NLRP11: variants seen among roughly 807,000 people sequenced by gnomAD.
NLRP11 encodes the protein NACHT, LRR and PYD domains-containing protein 11.
Under a neutral mutation model 79.3 loss-of-function variants are expected in NLRP11, and 53 were observed. The observed-to-expected ratio is 0.67, with a 90% CI of 0.54 to 0.84. The LOEUF (loss-of-function observed/expected upper bound fraction) is 0.84. Among genes scored for constraint, NLRP11 ranks in the 40% least tolerant of loss-of-function variants. The pLI is 0.00. For synonymous variants in NLRP11, 518 were observed against 462.6 expected (o/e 1.12, Z -1.54); for missense variants, 1,264 against 1,255.0 (o/e 1.01, Z -0.11).
intron 1 of NLRP11, among the ~76,000 whole-genome samples, chr19:55,823,152 C>T (rs1437226227): frequency 6.8e-6 from 1 of 146,618 alleles, no homozygotes; most frequent in African/African-American, 2.6e-5. Flanking sequence ...AGCAGGAGCA[C>T]ACTGACACCT....
chr19:55,821,407 TCTTTG>T (rs1456387150), intron 1 of NLRP11, among the ~76,000 whole-genome samples: 1 of 152,152 alleles, frequency 6.6e-6, no homozygotes, highest in Admixed American at 6.5e-5. Context: ...CCCATGTGCC[TCTTTG>T]CTTTGCCGAT....
At chr19:55,798,852 G>T (rs1422470620) in intron 5 of NLRP11, among the ~76,000 whole-genome samples, 1 of 152,102 alleles carries the variant, frequency 6.6e-6, no homozygotes, top group African/African-American at 2.4e-5. Context: ...TGGACAGGTA[G>T]GAAGATGCTG....
intron 1 of NLRP11, among the ~76,000 whole-genome samples, chr19:55,824,103 A>G (rs1982077955): frequency 8.5e-6 from 1 of 117,266 alleles, no homozygotes; most frequent in Admixed American, 8.5e-5. Context: ...AGTGGGGGCC[A>G]ATATTCAACA....
chr19:55,807,793 GAAAA>G, intron 4 of NLRP11, 56 bp downstream of exon 4: 1 of 1,204,608 alleles, frequency 8.3e-7, no homozygotes, highest in Non-Finnish European at 1.2e-6. Flanking sequence ...CCCAGAGAAA[GAAAA>G]AGACCACCGT....
intron 3 of NLRP11, among the ~76,000 whole-genome samples, chr19:55,808,268 ACTTC>A (rs1980203706): frequency 6.6e-6 from 1 of 152,218 alleles, no homozygotes; most frequent in Non-Finnish European, 1.5e-5. Context: ...ATATTTTTAA[ACTTC>A]AATATTAAAA....
chr19:55,798,216 TG>T, intron 5 of NLRP11: 1 of 462,080 alleles, frequency 2.2e-6, no homozygotes, highest in Non-Finnish European at 2.8e-6. Flanking sequence ...TCAGGCTGTC[TG>T]GAACGCCTTA....
intron 6 of NLRP11, among the ~76,000 whole-genome samples, chr19:55,794,795 A>G (rs889036173): frequency 5.3e-5 from 8 of 152,118 alleles, no homozygotes; most frequent in Non-Finnish European, 1.2e-4. Context: ...ACATAATGCG[A>G]TATTACATAA....
At chr19:55,801,859 C>T in intron 4 of NLRP11, 120 bp from the exon 5 acceptor site, 1 of 773,672 alleles carries the variant, frequency 1.3e-6, no homozygotes, top group South Asian at 1.7e-5. Context: ...CATCCTCACA[C>T]ATGGCTCTCG....
rs1207408862 is a variant in NLRP11, at chr19:55,809,601, G to C, written c.1009C>G (p.Arg337Gly). 6.2e-7 allele frequency: 1 copy of C among 1,614,046 alleles called. No homozygotes were observed. The highest frequency in any genetic ancestry group is 1.3e-5 in the African/African-American group (1 of 74,926). Reference sequence around the variant, plus strand: ...GTGATCCAGCATAAGATGGCGACTCGGCACAGACCCACGAGTATTTCATCC... The same window carrying C: ...GTGATCCAGCATAAGATGGCGACTCCGCACAGACCCACGAGTATTTCATCC... Residue 337 changes from arginine (R) to glycine (G), a missense_variant, in exon 3 of 10, where the codon CGA becomes GGA. Physicochemically the swap from Arg to Gly is moderately radical, Grantham distance 125. Transcript: ENST00000589093. The surrounding 1 kb of genome is among the most constrained non-coding windows in gnomAD (Gnocchi z 4.5).
chr19:55,817,458 AACACAC>A (rs34098302), intron 2 of NLRP11, among the ~76,000 whole-genome samples: 33,720 of 151,022 alleles, frequency 0.22, 5,734 homozygotes, highest in African/African-American at 0.48. Flanking sequence ...AGAAATTATG[AACACAC>A]ACACACACAC....
chr19:55,835,376 A>G (rs757084407), upstream of NLRP11, among the ~76,000 whole-genome samples: 3 of 152,282 alleles, frequency 2.0e-5, no homozygotes, highest in Non-Finnish European at 4.4e-5. Flanking sequence ...TGTTCTGCCT[A>G]CGCAGAAAGA....
At chr19:55,789,563 A>G (rs549772066) in intron 7 of NLRP11, among the ~76,000 whole-genome samples, 164 bp from the exon 8 acceptor site, 1 of 152,216 alleles carries the variant, frequency 6.6e-6, no homozygotes. Context: ...ACAACATACC[A>G]GGCATTGTTC....
In NLRP11 at chr19:55,821,231, A is replaced by C. The variant is rs1311585578; in HGVS notation, c.-62-2995T>G. 5.5e-3 allele frequency among the ~76,000 whole-genome samples: 585 copies of C among 106,586 alleles called. 9 individuals are homozygous for C. Among genetic ancestry groups the C allele is most frequent in the African/African-American group, 0.035 (539 of 15,594 alleles). The allele number at this position is 106,586 out of a possible 152,430, so 69.9% of individuals were successfully genotyped here. ...CACACACACACACACACACACACAC[A>C]CACACACACACACACACACCCCAAG... On this transcript the variant is annotated intron_variant, in intron 1 of 9. Coordinates refer to ENST00000589093, the Ensembl canonical transcript of NLRP11.
At chr19:55,794,054 A>T (rs760517967) in intron 6 of NLRP11, among the ~76,000 whole-genome samples, 7 of 152,188 alleles carry the variant, frequency 4.6e-5, no homozygotes, top group Non-Finnish European at 1.0e-4. Context: ...AAAATAAGTT[A>T]CCAAAACAAA....
intron 1 of NLRP11, among the ~76,000 whole-genome samples, chr19:55,829,774 T>G (rs974050232): frequency 2.6e-5 from 4 of 151,992 alleles, no homozygotes; most frequent in Non-Finnish European, 5.9e-5. Flanking sequence ...TCCACTTTCT[T>G]AAACATATTA....
In NLRP11 at chr19:55,814,367, C is replaced by T. The variant is rs1276119056; in HGVS notation, c.271+3537G>A. ...ATTACAATGTAATAGAAATAAAGTA[C>T]ATAATAAATGTAATACATTTGAATT... On this transcript the variant is annotated intron_variant, in intron 2 of 9. Coordinates refer to ENST00000589093, the Ensembl canonical transcript of NLRP11. Among the ~76,000 whole-genome samples the T allele has an allele frequency of 5.3e-5, 8 of 152,162 alleles. No homozygotes were observed. In the East Asian group the frequency reaches 1.5e-3, roughly 29 times the overall value.
chr19:55,798,466 A>G (rs761385878), intron 5 of NLRP11: 7 of 274,822 alleles, frequency 2.5e-5, no homozygotes, highest in Non-Finnish European at 3.9e-5. Flanking sequence ...TGATGAGAAC[A>G]CATGGACACA....
At chr19:55,820,428 G>A (rs1341396845) in intron 1 of NLRP11, among the ~76,000 whole-genome samples, 2 of 152,086 alleles carry the variant, frequency 1.3e-5, no homozygotes, top group African/African-American at 4.8e-5. Flanking sequence ...CAGTGGCAGG[G>A]GATAGACAAA....
At chr19:55,823,066 G>A (rs1371445686) in intron 1 of NLRP11, among the ~76,000 whole-genome samples, 10 of 148,004 alleles carry the variant, frequency 6.8e-5, no homozygotes, top group East Asian at 4.1e-4. Flanking sequence ...CTGGAGATCT[G>A]AGAACCAGCA....
Sources: gnomAD v4.1 joint callset for allele counts (sites outside exome capture counted in the v4.1 genomes callset) on GRCh38, gnomAD v4.1.1 for gene constraint, Gnocchi (gnomAD v3.1) non-coding constraint, MANE v1.5 for transcripts, NCBI Gene and HGNC (gene_info 2026-07-23, HGNC 2026-07-21) for gene names.